The following PCDH11X variants were observed in gnomAD, a reference collection of about 807,000 sequenced individuals.
PCDH11X encodes protocadherin-11 X-linked.
In PCDH11X, 18 loss-of-function variants were observed where a neutral mutation model predicts 53.3. The observed-to-expected ratio is 0.34, with a 90% CI of 0.23 to 0.50. PCDH11X has a LOEUF of 0.50. PCDH11X is among the 20% of genes least tolerant of loss of function. PCDH11X has a pLI of 0.98. For missense variants in PCDH11X, 570 were observed against 1,032.4 expected (o/e 0.55, Z 6.14); for synonymous variants, 279 against 393.3 (o/e 0.71, Z 3.44).
intron 6 of PCDH11X, among the ~76,000 whole-genome samples, chrX:92,163,284 T>G (rs2759809): frequency 0.53 from 57,294 of 107,969 alleles, 12,128 homozygotes; most frequent in African/African-American, 0.67. Flanking sequence ...AAAGCAAGCA[T>G]GGCTTTTGCG....
chrX:92,267,263 G>A (rs966347590), intron 8 of PCDH11X, among the ~76,000 whole-genome samples: 7 of 111,597 alleles, frequency 6.3e-5, no homozygotes, highest in Non-Finnish European at 1.3e-4. Context: ...TGCACAAATG[G>A]CCAGGCTTGT....
intron 9 of PCDH11X, among the ~76,000 whole-genome samples, chrX:92,398,506 A>AG (rs1017134850): frequency 1.8e-5 from 2 of 111,179 alleles, no homozygotes; most frequent in African/African-American, 6.5e-5. Context: ...TCCCAGAAAG[A>AG]TTTTTTTTTG....
chrX:92,030,449 A>G (rs981052493), intron 6 of PCDH11X, among the ~76,000 whole-genome samples: 2 of 108,700 alleles, frequency 1.8e-5, no homozygotes, highest in African/African-American at 6.7e-5. Flanking sequence ...ACATCAAAAT[A>G]GGGCATCTAT....
chrX:91,781,478 C>G (rs1160480552), intron 1 of PCDH11X, among the ~76,000 whole-genome samples: 3 of 112,837 alleles, frequency 2.7e-5, no homozygotes. Context: ...ACCTAGGCCC[C>G]CTAAAAAGTA....
At chrX:92,146,825 C>A (rs1344942147) in intron 6 of PCDH11X, among the ~76,000 whole-genome samples, 1 of 110,086 alleles carries the variant, frequency 9.1e-6, no homozygotes, top group African/African-American at 3.3e-5. Flanking sequence ...AAGGCGAAAC[C>A]CCATCTCTAA....
chrX:91,909,566 T>C (rs1050715606), intron 6 of PCDH11X, among the ~76,000 whole-genome samples: 2 of 109,552 alleles, frequency 1.8e-5, no homozygotes, highest in African/African-American at 6.6e-5. Flanking sequence ...TGTAGGCATT[T>C]ATTATGGCTT....
intron 8 of PCDH11X, among the ~76,000 whole-genome samples, chrX:92,372,135 T>C (rs1303460622): frequency 9.0e-6 from 1 of 110,567 alleles, no homozygotes; most frequent in African/African-American, 3.3e-5. Context: ...TGACTATCAA[T>C]ATCAGGATCT....
At position 92,280,784 on chromosome X, in the gene PCDH11X, T is replaced by A. The variant is rs757200343; in HGVS notation, c.3144+17641T>A. On this transcript the variant is annotated intron_variant, in intron 8 of 10. Transcript: ENST00000682573. ...AGCATAATGTAATTAATCAAATATA[T>A]TTTTTTTAAAAAAAAATTGACATTA... Among the ~76,000 whole-genome samples the A allele has an allele frequency of 1.1e-3, 116 of 108,626 alleles. 1 individual carries two copies. The highest frequency in any genetic ancestry group is 3.7e-3 in the African/African-American group (111 of 29,733). 94.3% of individuals were successfully genotyped at this position (108,626 alleles called of 115,157 possible). A position where few individuals can be genotyped will look rare whatever the true frequency, so the allele number is the denominator to read the frequency against.
At chrX:92,475,209 C>A (rs1334742594) in intron 10 of PCDH11X, among the ~76,000 whole-genome samples, 5 of 103,782 alleles carry the variant, frequency 4.8e-5, no homozygotes, top group Non-Finnish European at 7.8e-5. Flanking sequence ...GTTTACACAC[C>A]AAAGTTACAG....
chrX:92,528,756 T>C (rs1366656339), intron 10 of PCDH11X, among the ~76,000 whole-genome samples: 2 of 111,735 alleles, frequency 1.8e-5, no homozygotes, highest in Non-Finnish European at 3.8e-5. Flanking sequence ...TTTAATGAAG[T>C]TTTAAGTATG....
intron 7 of PCDH11X, among the ~76,000 whole-genome samples, chrX:92,252,782 T>G (rs779666520): frequency 5.4e-5 from 6 of 110,617 alleles, no homozygotes; most frequent in Non-Finnish European, 7.6e-5. Flanking sequence ...GTAGACAGAG[T>G]AGTGACTTAG....
Position 91,956,027 on chromosome X carries a change from T to A in PCDH11X, c.3033+76754T>A, listed in dbSNP as rs775166145. ...ATGTAATGCCCTTCTTTGTCTTTTT[T>A]AAATCCATATTGGTTTAAAGTCTAT... On this transcript the variant is annotated intron_variant, in intron 6 of 10. Coordinates refer to ENST00000682573, the MANE Select transcript of PCDH11X (RefSeq NM_032968.5). Among the ~76,000 whole-genome samples, 15 of 110,455 alleles carry A rather than the reference T, an allele frequency of 1.4e-4. No individual in the cohort carries two copies. In the South Asian group the frequency reaches 3.6e-3, roughly 27 times the overall value.
chrX:92,303,801 C>T (rs986566187), intron 8 of PCDH11X, among the ~76,000 whole-genome samples: 12 of 109,769 alleles, frequency 1.1e-4, no homozygotes, highest in South Asian at 7.8e-4. Flanking sequence ...GTACAACTAA[C>T]GCTAATGGTT....
chrX:92,443,324 G>T (rs2072556740), intron 9 of PCDH11X, among the ~76,000 whole-genome samples: 1 of 111,212 alleles, frequency 9.0e-6, no homozygotes, highest in Non-Finnish European at 1.9e-5. Flanking sequence ...CATGTCCATT[G>T]TCTATTTTTA....
At chrX:92,370,461 T>C (rs199712335) in intron 8 of PCDH11X, among the ~76,000 whole-genome samples, 27 of 73,628 alleles carry the variant, frequency 3.7e-4, no homozygotes, top group Non-Finnish European at 4.6e-4. Context: ...TTCTTTTTTC[T>C]TTTTTTTTTT....
chrX:91,873,872 A>G (rs1162627658), intron 5 of PCDH11X, among the ~76,000 whole-genome samples: 4 of 111,230 alleles, frequency 3.6e-5, no homozygotes, highest in Admixed American at 1.9e-4. Flanking sequence ...ATTTCCCCAT[A>G]TAGCTCTTAT....
chrX:91,929,466 C>A (rs1382219620), intron 6 of PCDH11X, among the ~76,000 whole-genome samples: 1 of 110,227 alleles, frequency 9.1e-6, no homozygotes, highest in Non-Finnish European at 1.9e-5. Flanking sequence ...CCCAAAAATG[C>A]TAAGTAAATT....
At chrX:91,810,209 C>A (rs1470990744) in intron 2 of PCDH11X, among the ~76,000 whole-genome samples, 3 of 110,889 alleles carry the variant, frequency 2.7e-5, no homozygotes, top group Admixed American at 9.6e-5. Context: ...GTATACCCTA[C>A]CTCCCAAAGT....
intron 6 of PCDH11X, among the ~76,000 whole-genome samples, chrX:92,085,496 A>AG (rs1209014910): frequency 1.9e-5 from 2 of 106,121 alleles, no homozygotes; most frequent in Non-Finnish European, 3.9e-5. Context: ...AAAAAAAAAA[A>AG]AGCCACCCAG....
Sources: gnomAD v4.1 joint callset for allele counts (sites outside exome capture counted in the v4.1 genomes callset) on GRCh38, gnomAD v4.1.1 for gene constraint, MANE v1.5 for transcripts, NCBI Gene and HGNC (gene_info 2026-07-23, HGNC 2026-07-21) for gene names.